Variants in VAV3 observed in about 807,000 individuals in gnomAD.
The protein encoded by VAV3 is vav guanine nucleotide exchange factor 3.
VAV3 carries 94 observed loss-of-function variants against 131.2 expected under a neutral mutation model. The observed-to-expected ratio is 0.72, with a 90% CI of 0.61 to 0.85. VAV3 has a LOEUF of 0.85. VAV3 is among the 40% of genes least tolerant of loss of function. The pLI is 0.00. For missense variants in VAV3, 939 were observed against 1,002.7 expected (o/e 0.94, Z 0.86); for synonymous variants, 349 against 342.0 (o/e 1.02, Z -0.22).
intron 1 of VAV3, among the ~76,000 whole-genome samples, chr1:107,960,292 A>AC (rs1028661646): frequency 2.6e-5 from 4 of 151,656 alleles, no homozygotes; most frequent in African/African-American, 9.7e-5. Flanking sequence ...ACATGGTGAA[A>AC]CCCCCTCTAC....
At chr1:107,790,978 A>C (rs1199850318) in intron 2 of VAV3, among the ~76,000 whole-genome samples, 1 of 151,958 alleles carries the variant, frequency 6.6e-6, no homozygotes, top group Non-Finnish European at 1.5e-5. Flanking sequence ...GAGCCACTGC[A>C]CCTGGCCCCT....
At chr1:107,766,001 CT>C (rs1309137990) in intron 8 of VAV3, among the ~76,000 whole-genome samples, 1 of 152,064 alleles carries the variant, frequency 6.6e-6, no homozygotes, top group Non-Finnish European at 1.5e-5. Context: ...GAAACTGACT[CT>C]GCGAATCTAA....
chr1:107,596,132 T>C, intron 25 of VAV3, 80 bp downstream of exon 25: 1 of 1,540,898 alleles, frequency 6.5e-7, no homozygotes, highest in Non-Finnish European at 8.8e-7. Flanking sequence ...TATTTTAAAA[T>C]TTGGAAGGAA....
intron 15 of VAV3, among the ~76,000 whole-genome samples, chr1:107,717,949 T>G (rs921441154): frequency 3.3e-5 from 5 of 152,172 alleles, no homozygotes; most frequent in Admixed American, 6.6e-5. Context: ...ATATTTAGGA[T>G]AGTTAGCTCT....
At chr1:107,580,023 T>C (rs1052323552) in intron 25 of VAV3, among the ~76,000 whole-genome samples, 3 of 152,218 alleles carry the variant, frequency 2.0e-5, no homozygotes, top group Admixed American at 6.5e-5. Context: ...TTCTTTGACC[T>C]TTCCTAGCCC....
chr1:107,876,912 A>T (rs578123823), intron 1 of VAV3, among the ~76,000 whole-genome samples: 64 of 151,378 alleles, frequency 4.2e-4, no homozygotes, highest in African/African-American at 1.4e-3. Flanking sequence ...AAGTGTTGCC[A>T]ATGTCTTAAT....
intron 1 of VAV3, among the ~76,000 whole-genome samples, chr1:107,921,317 A>C (rs1370849976): frequency 1.3e-5 from 2 of 152,200 alleles, no homozygotes; most frequent in Admixed American, 6.5e-5. Context: ...ACTGCATCAC[A>C]TACTTTAGTG....
At chr1:107,598,184 T>C (rs1348156283) in intron 24 of VAV3, among the ~76,000 whole-genome samples, 1 of 152,086 alleles carries the variant, frequency 6.6e-6, no homozygotes, top group Non-Finnish European at 1.5e-5. Context: ...TGAAACCCTG[T>C]CTCTACCAAA....
intron 11 of VAV3, among the ~76,000 whole-genome samples, chr1:107,756,611 T>C (rs1570904760): frequency 1.3e-5 from 2 of 152,006 alleles, no homozygotes; most frequent in Admixed American, 1.3e-4. Flanking sequence ...CTTTAAGTTA[T>C]TGGCAAATAT....
intron 1 of VAV3, among the ~76,000 whole-genome samples, chr1:107,956,600 G>T (rs935464352): frequency 3.3e-5 from 5 of 152,020 alleles, no homozygotes; most frequent in Non-Finnish European, 7.4e-5. Context: ...ATTATTATTC[G>T]ATTATAAATA....
intron 20 of VAV3, among the ~76,000 whole-genome samples, chr1:107,633,056 C>T (rs917913896): frequency 2.6e-5 from 4 of 152,124 alleles, no homozygotes; most frequent in African/African-American, 7.2e-5. Context: ...CTAGTTGTCA[C>T]AGAATCTCAA....
At chr1:107,908,357 T>A (rs1672203129) in intron 1 of VAV3, among the ~76,000 whole-genome samples, 1 of 152,214 alleles carries the variant, frequency 6.6e-6, no homozygotes. Flanking sequence ...TGGCTTCCTA[T>A]GATTCTCTCA....
chr1:107,948,041 G>A (rs1162842029), intron 1 of VAV3, among the ~76,000 whole-genome samples: 2 of 152,174 alleles, frequency 1.3e-5, no homozygotes, highest in Non-Finnish European at 2.9e-5. Flanking sequence ...GCTCTCCTAG[G>A]AACTGAGTAA....
chr1:107,726,388 G>C (rs1661839886), intron 15 of VAV3, among the ~76,000 whole-genome samples: 1 of 152,242 alleles, frequency 6.6e-6, no homozygotes, highest in Non-Finnish European at 1.5e-5. Context: ...GCGCTCTGCA[G>C]ATACTTTTCA....
At chr1:107,774,828 C>T (rs1252374380) in intron 4 of VAV3, among the ~76,000 whole-genome samples, 3 of 151,928 alleles carry the variant, frequency 2.0e-5, no homozygotes, top group Admixed American at 6.6e-5. Context: ...TATATTTACC[C>T]ATAGAAATTG....
At chr1:107,665,071 A>C (rs1159469159) in intron 19 of VAV3, among the ~76,000 whole-genome samples, 1 of 152,222 alleles carries the variant, frequency 6.6e-6, no homozygotes, top group Non-Finnish European at 1.5e-5. Context: ...TGAAGAGTTT[A>C]AGTAGGAGAG....
chr1:107,677,199 C>CTAT (rs1267443724), intron 19 of VAV3, among the ~76,000 whole-genome samples: 1 of 152,070 alleles, frequency 6.6e-6, no homozygotes, highest in Non-Finnish European at 1.5e-5. Context: ...AATAATCTTG[C>CTAT]TATTTCTACA....
intron 1 of VAV3, among the ~76,000 whole-genome samples, chr1:107,915,823 G>C (rs1247121869): frequency 6.6e-6 from 1 of 152,132 alleles, no homozygotes; most frequent in Non-Finnish European, 1.5e-5. Flanking sequence ...TATGTGCTGT[G>C]GACTTACTAG....
intron 2 of VAV3, among the ~76,000 whole-genome samples, chr1:107,833,955 G>T (rs1193686891): frequency 6.6e-6 from 1 of 152,170 alleles, no homozygotes; most frequent in African/African-American, 2.4e-5. Context: ...TAGGTTCATT[G>T]CTCACATGAG....
Sources: allele counts gnomAD v4.1 joint callset (sites outside exome capture counted in the v4.1 genomes callset), GRCh38; gene constraint gnomAD v4.1.1; transcripts MANE v1.5; gene names NCBI Gene and HGNC (gene_info 2026-07-23, HGNC 2026-07-21).